RAP1A: variants seen among roughly 807,000 people sequenced by gnomAD.
The protein encoded by RAP1A is RAP1A, member of RAS oncogene family, also known as ras-related protein Rap-1A.
RAP1A carries 6 observed loss-of-function variants against 26.4 expected under a neutral mutation model. That is an observed-to-expected ratio of 0.23 (90% CI 0.12 to 0.45). RAP1A has a LOEUF of 0.45. Among genes scored for constraint, RAP1A ranks in the 20% least tolerant of loss-of-function variants. The probability of loss-of-function intolerance (pLI) is 0.99; values close to 1 mark genes in which losing one functional copy is unlikely to be tolerated. For synonymous variants in RAP1A, 73 were observed against 79.4 expected, an observed-to-expected ratio of 0.92 and a Z score of 0.43; for missense variants, 121 against 217.2, an observed-to-expected ratio of 0.56 and a Z score of 2.78.
intron 1 of RAP1A, among the ~76,000 whole-genome samples, chr1:111,646,118 A>G (rs888192316): frequency 5.3e-5 from 8 of 152,220 alleles, no homozygotes; most frequent in Non-Finnish European, 1.2e-4. Context: ...TCATTTTTAT[A>G]TAGTTGAAGG....
At chr1:111,700,463 A>G (rs146238709) in intron 4 of RAP1A, among the ~76,000 whole-genome samples, 119 of 152,302 alleles carry the variant, frequency 7.8e-4, no homozygotes, top group African/African-American at 2.8e-3. Flanking sequence ...ACGAGAACTC[A>G]TAATTGTGAG....
intron 1 of RAP1A, among the ~76,000 whole-genome samples, chr1:111,670,985 C>T (rs1194861899): frequency 6.6e-6 from 1 of 152,180 alleles, no homozygotes; most frequent in Non-Finnish European, 1.5e-5. Flanking sequence ...CAATGAATCA[C>T]ATAACTCTGC....
chr1:111,615,657 C>G (rs1281920781), upstream of RAP1A, among the ~76,000 whole-genome samples: 1 of 151,738 alleles, frequency 6.6e-6, no homozygotes, highest in Non-Finnish European at 1.5e-5. Flanking sequence ...ATGGTGAAAC[C>G]CCGCCTCTAC....
intron 1 of RAP1A, among the ~76,000 whole-genome samples, chr1:111,600,672 G>A (rs1658654871): frequency 6.6e-6 from 1 of 152,224 alleles, no homozygotes; most frequent in Non-Finnish European, 1.5e-5. Context: ...GCAGTGTGGG[G>A]AGGGCACCAG....
intron 1 of RAP1A, among the ~76,000 whole-genome samples, chr1:111,613,155 T>G (rs1043786270): frequency 7.9e-5 from 12 of 151,424 alleles, no homozygotes; most frequent in East Asian, 3.9e-4. Flanking sequence ...ACGTAGGGTT[T>G]TTTTTTTTTT....
intron 1 of RAP1A, among the ~76,000 whole-genome samples, chr1:111,634,308 A>G (rs908545483): frequency 9.9e-5 from 15 of 152,092 alleles, no homozygotes; most frequent in Admixed American, 5.2e-4. Flanking sequence ...AAAGTGTTCT[A>G]TAGAAAATCA....
chr1:111,557,914 G>A (rs1657568833), intron 1 of RAP1A, among the ~76,000 whole-genome samples: 1 of 152,098 alleles, frequency 6.6e-6, no homozygotes, highest in African/African-American at 2.4e-5. Context: ...GTATCAAATA[G>A]CTTTAGCCTG....
At chr1:111,658,853 A>G (rs892901861) in intron 1 of RAP1A, among the ~76,000 whole-genome samples, 2 of 152,242 alleles carry the variant, frequency 1.3e-5, no homozygotes, top group Non-Finnish European at 2.9e-5. Flanking sequence ...GGCTCCAGCT[A>G]TAATAATGGA....
chr1:111,574,975 T>C (rs551129989), intron 1 of RAP1A, among the ~76,000 whole-genome samples: 2 of 152,368 alleles, frequency 1.3e-5, no homozygotes, highest in East Asian at 3.9e-4. Flanking sequence ...ATATATGTTT[T>C]ATGAGAGAAG....
chr1:111,694,821 A>G (rs1398238990), intron 2 of RAP1A, among the ~76,000 whole-genome samples: 5 of 152,160 alleles, frequency 3.3e-5, no homozygotes, highest in African/African-American at 1.2e-4. Context: ...AAAGGCTTTA[A>G]CAAATTTACA....
intron 1 of RAP1A, among the ~76,000 whole-genome samples, chr1:111,672,697 C>T (rs1208153709): frequency 6.6e-6 from 1 of 152,200 alleles, no homozygotes; most frequent in African/African-American, 2.4e-5. Context: ...AGAATTCAGA[C>T]AGCAGCACCA....
At chr1:111,580,546 G>A (rs574268048) in intron 1 of RAP1A, among the ~76,000 whole-genome samples, 1 of 152,304 alleles carries the variant, frequency 6.6e-6, no homozygotes, top group East Asian at 1.9e-4. Flanking sequence ...GAAGAGAGAA[G>A]ATCAAGACTA....
At chr1:111,600,207 A>G (rs1571490851) in intron 1 of RAP1A, 1 of 152,258 alleles carries the variant, frequency 6.6e-6, no homozygotes, top group South Asian at 2.1e-4. Flanking sequence ...GTGTTTCACA[A>G]TGTCACACAC....
intron 1 of RAP1A, among the ~76,000 whole-genome samples, chr1:111,674,743 T>G (rs1335959644): frequency 6.6e-6 from 1 of 152,182 alleles, no homozygotes; most frequent in African/African-American, 2.4e-5. Flanking sequence ...TTCATTCCTT[T>G]TAGTAGCTTA....
At chr1:111,632,946 A>G (rs999776748) in intron 1 of RAP1A, among the ~76,000 whole-genome samples, 2 of 142,982 alleles carry the variant, frequency 1.4e-5, no homozygotes, top group Admixed American at 6.9e-5. Flanking sequence ...AAAAAAAAAG[A>G]TACTGCAGCC....
chr1:111,624,140 A>G (rs1659316278), intron 1 of RAP1A, among the ~76,000 whole-genome samples: 1 of 152,204 alleles, frequency 6.6e-6, no homozygotes, highest in South Asian at 2.1e-4. Flanking sequence ...GATTACATCT[A>G]ATCATTTGTA....
At chr1:111,561,582 A>G (rs1657738085) in intron 1 of RAP1A, among the ~76,000 whole-genome samples, 1 of 152,212 alleles carries the variant, frequency 6.6e-6, no homozygotes, top group Admixed American at 6.5e-5. Flanking sequence ...TCAAGGCCAC[A>G]TGGTCAGGTC....
Position 111,568,918 on chromosome 1 carries a change from T to G in RAP1A, c.-28+26409T>G, listed in dbSNP as rs548404437. Among the ~76,000 whole-genome samples the G allele has an allele frequency of 2.0e-5, 3 of 152,208 alleles. No individual in the cohort carries two copies. In the South Asian group the frequency reaches 6.2e-4, roughly 31 times the overall value. Reference sequence around the variant, plus strand: ...CCACTTAATTAATAGTAAATACATTTTCTCTTCCTTATGATTTTTAATAAC... The same window carrying G: ...CCACTTAATTAATAGTAAATACATTGTCTCTTCCTTATGATTTTTAATAAC... On this transcript the variant is annotated intron_variant, in intron 1 of 7. Transcript: ENST00000356415.
intron 1 of RAP1A, among the ~76,000 whole-genome samples, chr1:111,567,983 T>A (rs2101053635): frequency 6.6e-6 from 1 of 152,312 alleles, no homozygotes; most frequent in South Asian, 2.1e-4. Flanking sequence ...GGTCCATTTC[T>A]CCCTATGCCT....
Sources: allele counts gnomAD v4.1 joint callset (sites outside exome capture counted in the v4.1 genomes callset), GRCh38; gene constraint gnomAD v4.1.1; transcripts MANE v1.5; gene names NCBI Gene and HGNC (gene_info 2026-07-23, HGNC 2026-07-21).